Variants in BRAF observed in about 807,000 individuals in gnomAD.
The protein encoded by BRAF is B-Raf proto-oncogene, serine/threonine kinase, also known as serine/threonine-protein kinase B-raf.
A neutral mutation model predicts 104.6 loss-of-function variants in BRAF; 16 were observed. That is an observed-to-expected ratio of 0.15 (90% CI 0.10 to 0.23). The LOEUF is 0.23. Among genes scored for constraint, BRAF ranks in the 10% least tolerant of loss-of-function variants. BRAF has a pLI of 1.00. For missense variants in BRAF, 541 were observed against 937.3 expected, an observed-to-expected ratio of 0.58 and a Z score of 5.52; for synonymous variants, 310 against 341.6, an observed-to-expected ratio of 0.91 and a Z score of 1.02.
At chr7:140,743,137 A>G (rs1797068071) in intron 17 of BRAF, among the ~76,000 whole-genome samples, 1 of 151,760 alleles carries the variant, frequency 6.6e-6, no homozygotes, top group Non-Finnish European at 1.5e-5. Context: ...ACTGTAAACT[A>G]GTTCAACCTT....
chr7:140,896,725 G>C (rs1299448404), intron 1 of BRAF, among the ~76,000 whole-genome samples: 1 of 152,002 alleles, frequency 6.6e-6, no homozygotes, highest in Non-Finnish European at 1.5e-5. Context: ...AATAAGCCGG[G>C]CATGGTGGTG....
intron 1 of BRAF, among the ~76,000 whole-genome samples, chr7:140,861,298 T>G (rs545152269): frequency 2.0e-4 from 31 of 152,174 alleles, no homozygotes; most frequent in Admixed American, 2.6e-4. Context: ...CTTGTTCAGT[T>G]CTGATTGGCT....
rs145673705 is a variant in BRAF at position 140,836,666 on chromosome 7, C to A, written c.241-1794G>T. Among the ~76,000 whole-genome samples, 175 of 152,164 alleles carry A rather than the reference C, an allele frequency of 1.2e-3. 2 individuals are homozygous for A. The highest frequency in any genetic ancestry group is 3.3e-3 in the East Asian group (17 of 5,180). ...CTACAATTTGGTTTAGCTTTCAGTA[C>A]CAAGGCCTAATTACTTAAGCATACT... On this transcript the variant is annotated intron_variant, in intron 2 of 19. Transcript: ENST00000644969.
At chr7:140,837,287 A>G (rs1807447172) in intron 2 of BRAF, among the ~76,000 whole-genome samples, 1 of 152,232 alleles carries the variant, frequency 6.6e-6, no homozygotes, top group Non-Finnish European at 1.5e-5. Flanking sequence ...TACAAAAGCA[A>G]TAAAAATGAT....
chr7:140,801,711 G>A (rs1005631254), intron 5 of BRAF, 151 bp from the exon 6 acceptor site: 34 of 888,982 alleles, frequency 3.8e-5, no homozygotes, highest in South Asian at 8.7e-5. Context: ...AATGAAAACC[G>A]GGGGTTCAAG....
intron 14 of BRAF, among the ~76,000 whole-genome samples, chr7:140,765,774 G>C (rs1322122027): frequency 3.3e-5 from 5 of 151,976 alleles, no homozygotes; most frequent in African/African-American, 7.3e-5. Flanking sequence ...CAATTAGAAT[G>C]GCAATCATTA....
intron 1 of BRAF, among the ~76,000 whole-genome samples, chr7:140,876,349 A>G (rs6967652): frequency 0.097 from 14,791 of 152,214 alleles, 775 homozygotes; most frequent in South Asian, 0.19. Flanking sequence ...CAGGTAAATT[A>G]AAACAGAATG....
At chr7:140,851,811 T>C (rs1024975608) in intron 1 of BRAF, among the ~76,000 whole-genome samples, 2 of 152,240 alleles carry the variant, frequency 1.3e-5, no homozygotes, top group Admixed American at 1.3e-4. Context: ...TTGTATTTCT[T>C]ACAAAGTTGA....
At chr7:140,863,087 A>C (rs1319669051) in intron 1 of BRAF, among the ~76,000 whole-genome samples, 4 of 152,144 alleles carry the variant, frequency 2.6e-5, no homozygotes, top group African/African-American at 9.7e-5. Flanking sequence ...TAGCAATTCC[A>C]CTTCTAAGAA....
chr7:140,785,052 A>G (rs1346297838), intron 10 of BRAF, among the ~76,000 whole-genome samples: 2 of 152,242 alleles, frequency 1.3e-5, no homozygotes, highest in African/African-American at 4.8e-5. Context: ...GACATAATTA[A>G]AAGGATAAAT....
At chr7:140,919,271 G>A (rs998654452) in intron 1 of BRAF, among the ~76,000 whole-genome samples, 1 of 151,990 alleles carries the variant, frequency 6.6e-6, no homozygotes, top group Admixed American at 6.6e-5. Context: ...GTGCTGTCAG[G>A]AACTGCAGCT....
chr7:140,815,497 G>T (rs1431580438), intron 3 of BRAF, among the ~76,000 whole-genome samples: 2 of 141,628 alleles, frequency 1.4e-5, no homozygotes, highest in East Asian at 4.2e-4. Flanking sequence ...GCAATGGTGC[G>T]ACCTAGAATC....
chr7:140,889,906 T>C (rs967784823), intron 1 of BRAF, among the ~76,000 whole-genome samples: 2 of 152,222 alleles, frequency 1.3e-5, no homozygotes, highest in African/African-American at 4.8e-5. Context: ...TGGACTCTAG[T>C]GTCACAATGT....
At chr7:140,773,987 C>T (rs181010892) in intron 14 of BRAF, among the ~76,000 whole-genome samples, 2 of 152,268 alleles carry the variant, frequency 1.3e-5, no homozygotes, top group East Asian at 3.9e-4. Flanking sequence ...AATCTGTCAC[C>T]TTAATCTGAA....
chr7:140,896,090 C>T (rs1332008465), intron 1 of BRAF, among the ~76,000 whole-genome samples: 3 of 152,240 alleles, frequency 2.0e-5, no homozygotes, highest in African/African-American at 7.2e-5. Context: ...GCCACCCTAA[C>T]TGGGATGAGA....
chr7:140,819,392 C>A (rs1352721705), intron 3 of BRAF, among the ~76,000 whole-genome samples: 1 of 152,028 alleles, frequency 6.6e-6, no homozygotes, highest in Non-Finnish European at 1.5e-5. Context: ...ACAAGTTTGG[C>A]AGTGATGTGA....
intron 15 of BRAF, 56 bp downstream of exon 14, chr7:140,754,131 C>A (rs2128999403): frequency 2.0e-6 from 3 of 1,528,296 alleles, no homozygotes; most frequent in Non-Finnish European, 2.7e-6. Context: ...AGACAAAATG[C>A]AGAAGAAAAA....
In BRAF at chr7:140,834,858, G is replaced by A. The variant is rs1176038288; in HGVS notation, c.255C>T (p.Tyr85=). Residue 85 remains tyrosine, a synonymous_variant, in exon 3 of 20, where the codon TAC becomes TAT. Transcript: ENST00000644969. ...PSIYLEAYEE[Y]TSKLDALQQR... The stretch of plus-strand genomic sequence containing the variant: ...GTTGGAGTGCATCTAGCTTGCTGGT[G>A]TATTCTTCATAGGCCTATAAAATAA... The A allele has an allele frequency of 4.3e-6, 7 of 1,613,976 alleles. No homozygotes were observed. The Admixed American group carries it at 1.0e-4, about 23-fold the overall frequency.
chr7:140,922,816 G>C (rs1008631401), intron 1 of BRAF, among the ~76,000 whole-genome samples: 1 of 152,166 alleles, frequency 6.6e-6, no homozygotes. Flanking sequence ...TGGAGGTGTG[G>C]AGAAGAAAAG....
Sources: gnomAD v4.1 joint callset for allele counts (sites outside exome capture counted in the v4.1 genomes callset) on GRCh38, gnomAD v4.1.1 for gene constraint, MANE v1.5 for transcripts, NCBI Gene and HGNC (gene_info 2026-07-23, HGNC 2026-07-21) for gene names.